SHANK2: variants seen among roughly 807,000 people sequenced by gnomAD.
SHANK2 encodes SH3 and multiple ankyrin repeat domains protein 2.
A neutral mutation model predicts 133.7 loss-of-function variants in SHANK2; 43 were observed. The observed-to-expected ratio is 0.32, with a 90% CI of 0.25 to 0.41. The LOEUF is 0.41. Among genes scored for constraint, SHANK2 ranks in the 10% least tolerant of loss-of-function variants. The pLI is 1.00. For missense variants in SHANK2, 1,994 were observed against 2,235.8 expected, an observed-to-expected ratio of 0.89 and a Z score of 2.18; for synonymous variants, 1,017 against 952.8, an observed-to-expected ratio of 1.07 and a Z score of -1.24.
chr11:71,215,699 C>T (rs1954397617), intron 2 of SHANK2, among the ~76,000 whole-genome samples: 2 of 152,210 alleles, frequency 1.3e-5, no homozygotes, highest in South Asian at 4.1e-4. Context: ...CTACACCTCT[C>T]TCCCTGCACA....
chr11:70,944,104 C>T (rs1336853107), intron 10 of SHANK2, among the ~76,000 whole-genome samples: 1 of 152,226 alleles, frequency 6.6e-6, no homozygotes, highest in Non-Finnish European at 1.5e-5. Flanking sequence ...ATTCTATTTC[C>T]CTCGAGTATA....
intron 14 of SHANK2, among the ~76,000 whole-genome samples, chr11:70,741,085 T>G (rs1946513258): frequency 6.6e-6 from 1 of 151,998 alleles, no homozygotes; most frequent in African/African-American, 2.4e-5. Flanking sequence ...TCTCATAAAC[T>G]GAGCTATTGC....
intron 6 of SHANK2, among the ~76,000 whole-genome samples, chr11:71,102,705 C>G (rs912265834): frequency 3.3e-5 from 5 of 152,212 alleles, no homozygotes; most frequent in Non-Finnish European, 7.3e-5. Flanking sequence ...CCACGTCCAG[C>G]CAGGCCGGCT....
chr11:71,246,087 A>G (rs1005269338), intron 1 of SHANK2, among the ~76,000 whole-genome samples: 4 of 152,196 alleles, frequency 2.6e-5, no homozygotes, highest in Non-Finnish European at 5.9e-5. Context: ...GGAAGCCTGC[A>G]TTCTCCCCAG....
chr11:70,696,458 C>T (rs1555022251), intron 15 of SHANK2, among the ~76,000 whole-genome samples: 2 of 152,180 alleles, frequency 1.3e-5, no homozygotes, highest in Non-Finnish European at 2.9e-5. Context: ...ACTATGACCA[C>T]CTGCCCAGGG....
intron 17 of SHANK2, among the ~76,000 whole-genome samples, chr11:70,549,615 G>C (rs1292455682): frequency 6.6e-6 from 1 of 152,120 alleles, no homozygotes; most frequent in Non-Finnish European, 1.5e-5. Flanking sequence ...GCTGGGAAGT[G>C]ACCCGAGGTC....
At chr11:70,941,899 C>T (rs1413801720) in intron 10 of SHANK2, among the ~76,000 whole-genome samples, 6 of 151,594 alleles carry the variant, frequency 4.0e-5, no homozygotes, top group African/African-American at 7.3e-5. Flanking sequence ...TGGGTCATTT[C>T]AAAAGAAAAG....
At chr11:70,502,418 G>A in intron 18 of SHANK2, 132 bp from the exon 19 acceptor site, 1 of 820,670 alleles carries the variant, frequency 1.2e-6, no homozygotes, top group Non-Finnish European at 1.9e-6. Flanking sequence ...GGATTGTGCA[G>A]GTGTGCTTAT....
intron 17 of SHANK2, among the ~76,000 whole-genome samples, chr11:70,511,057 C>A (rs2059198929): frequency 6.6e-6 from 1 of 151,556 alleles, no homozygotes; most frequent in Non-Finnish European, 1.5e-5. Flanking sequence ...CGTCGTGTGG[C>A]TTTGGGTTTT....
intron 17 of SHANK2, among the ~76,000 whole-genome samples, chr11:70,622,563 C>T (rs558951080): frequency 6.6e-6 from 1 of 152,360 alleles, no homozygotes; most frequent in South Asian, 2.1e-4. Context: ...GGGGCCCTCC[C>T]TCAGCTCCAG....
intron 1 of SHANK2, among the ~76,000 whole-genome samples, chr11:71,225,246 A>T (rs1954620740): frequency 6.6e-6 from 1 of 152,192 alleles, no homozygotes; most frequent in South Asian, 2.1e-4. Context: ...ACTGCAGAAA[A>T]ATCTGTGGCC....
At chr11:70,886,765 C>T (rs1007343018) in intron 11 of SHANK2, among the ~76,000 whole-genome samples, 14 of 152,038 alleles carry the variant, frequency 9.2e-5, no homozygotes, top group African/African-American at 3.4e-4. Context: ...AAACACCACC[C>T]TCTATTCATC....
At chr11:70,665,565 G>A (rs1023726613) in intron 15 of SHANK2, among the ~76,000 whole-genome samples, 1 of 152,190 alleles carries the variant, frequency 6.6e-6, no homozygotes, top group Non-Finnish European at 1.5e-5. Flanking sequence ...AAGAAGGACT[G>A]TTTCTAACTT....
At chr11:70,552,498 C>T (rs993060746) in intron 17 of SHANK2, among the ~76,000 whole-genome samples, 3 of 152,238 alleles carry the variant, frequency 2.0e-5, no homozygotes, top group African/African-American at 7.2e-5. Flanking sequence ...AAGCGATTAA[C>T]TCTGCAAGGG....
chr11:70,948,427 T>C (rs956322886), intron 10 of SHANK2: 4 of 455,606 alleles, frequency 8.8e-6, no homozygotes, highest in South Asian at 4.6e-5. Flanking sequence ...CGATCCCTGA[T>C]TACTTTTCAT....
At chr11:70,949,999 C>G (rs1288419200) in intron 10 of SHANK2, 2 of 454,738 alleles carry the variant, frequency 4.4e-6, no homozygotes, top group African/African-American at 4.0e-5. Context: ...GGGCTGCTCC[C>G]TGCTGCACAG....
At chr11:70,522,512 C>T (rs2135934710) in intron 17 of SHANK2, among the ~76,000 whole-genome samples, 1 of 152,330 alleles carries the variant, frequency 6.6e-6, no homozygotes, top group African/African-American at 2.4e-5. Flanking sequence ...ATGGCTTATT[C>T]AAACCCCGAT....
intron 11 of SHANK2, chr11:70,873,182 C>G (rs1275657342): frequency 8.6e-6 from 4 of 463,098 alleles, no homozygotes; most frequent in Non-Finnish European, 1.8e-5. Flanking sequence ...GGCATCCCAG[C>G]ACTCAGAGGC....
At chr11:71,225,991 G>A (rs2135747476) in intron 1 of SHANK2, among the ~76,000 whole-genome samples, 1 of 152,236 alleles carries the variant, frequency 6.6e-6, no homozygotes, top group East Asian at 1.9e-4. Context: ...GGTTGGTGGT[G>A]GGCACCTGTA....
Sources: allele counts gnomAD v4.1 joint callset (sites outside exome capture counted in the v4.1 genomes callset), GRCh38; gene constraint gnomAD v4.1.1; transcripts MANE v1.5; gene names NCBI Gene and HGNC (gene_info 2026-07-23, HGNC 2026-07-21).